The following DPYD variants were observed in gnomAD, a reference collection of about 807,000 sequenced individuals.
DPYD encodes the protein dihydropyrimidine dehydrogenase.
A neutral mutation model predicts 116.2 loss-of-function variants in DPYD; 109 were observed. The ratio of observed to expected loss-of-function variants is 0.94; its 90% CI spans 0.80 to 1.10. The LOEUF (loss-of-function observed/expected upper bound fraction) is 1.10, where lower values mean the gene tolerates loss of function less well. Among genes scored for constraint, DPYD ranks in the 50% least tolerant of loss-of-function variants. DPYD has a pLI of 0.00. For missense variants in DPYD, 1,302 were observed against 1,254.5 expected (o/e 1.04, Z -0.57); for synonymous variants, 440 against 432.0 (o/e 1.02, Z -0.23).
intron 11 of DPYD, among the ~76,000 whole-genome samples, chr1:97,559,247 T>G (rs759112581): frequency 6.6e-6 from 1 of 152,114 alleles, no homozygotes; most frequent in Non-Finnish European, 1.5e-5. Flanking sequence ...GAAAAATGTT[T>G]CATATAAAAT....
intron 8 of DPYD, among the ~76,000 whole-genome samples, chr1:97,667,225 T>G (rs1466240516): frequency 1.3e-5 from 2 of 152,150 alleles, no homozygotes; most frequent in Non-Finnish European, 1.5e-5. Context: ...TTTTGCTATC[T>G]CTTAATAGTC....
At chr1:97,753,658 A>G (rs1454214979) in intron 3 of DPYD, among the ~76,000 whole-genome samples, 4 of 152,174 alleles carry the variant, frequency 2.6e-5, no homozygotes, top group African/African-American at 9.7e-5. Context: ...GAACTCAGCA[A>G]TAATACTTGC....
intron 20 of DPYD, among the ~76,000 whole-genome samples, chr1:97,117,410 T>C (rs1346206166): frequency 6.6e-6 from 1 of 152,200 alleles, no homozygotes; most frequent in Non-Finnish European, 1.5e-5. Flanking sequence ...TTTTTATTGC[T>C]ATATAACTGC....
intron 20 of DPYD, among the ~76,000 whole-genome samples, chr1:97,114,378 G>A (rs1450429345): frequency 6.6e-6 from 1 of 152,050 alleles, no homozygotes; most frequent in African/African-American, 2.4e-5. Flanking sequence ...TTATATATTT[G>A]TATTTGTGTC....
At chr1:97,479,526 G>C (rs147746682) in intron 13 of DPYD, among the ~76,000 whole-genome samples, 1 of 152,104 alleles carries the variant, frequency 6.6e-6, no homozygotes, top group African/African-American at 2.4e-5. Flanking sequence ...AAAGATCATT[G>C]GTGTAACAGA....
In DPYD at chr1:97,200,770, G is replaced by A. The variant is rs925294746; in HGVS notation, c.2443-7522C>T. ...TTCAGACCAGCTTCCTCATTTCAGA[G>A]ATCAGGAGTCCAGACTGGCTAAATG... On this transcript the variant is annotated intron_variant, in intron 19 of 22. Coordinates refer to ENST00000370192, the MANE Select transcript of DPYD (RefSeq NM_000110.4). Among the ~76,000 whole-genome samples the A allele has an allele frequency of 2.0e-5, 3 of 152,282 alleles. No individual in the cohort carries two copies. The East Asian group carries it at 5.8e-4, about 29-fold the overall frequency.
chr1:97,884,903 C>T (rs1488894019), intron 1 of DPYD, among the ~76,000 whole-genome samples: 1 of 151,992 alleles, frequency 6.6e-6, no homozygotes, highest in Non-Finnish European at 1.5e-5. Context: ...ACTCTTATAA[C>T]TTTGAGTAAA....
chr1:97,749,214 GTCTA>G (rs1664733789), intron 3 of DPYD, among the ~76,000 whole-genome samples: 1 of 152,152 alleles, frequency 6.6e-6, no homozygotes, highest in South Asian at 2.1e-4. Flanking sequence ...TACAAATATG[GTCTA>G]TCTTTCTGTA....
At chr1:97,533,987 A>G (rs1170589571) in intron 12 of DPYD, among the ~76,000 whole-genome samples, 4 of 152,172 alleles carry the variant, frequency 2.6e-5, no homozygotes, top group South Asian at 2.1e-4. Context: ...TTAGTAGTCT[A>G]AGGTAGTATC....
chr1:97,640,294 T>C (rs906581832), intron 8 of DPYD, among the ~76,000 whole-genome samples: 1 of 151,952 alleles, frequency 6.6e-6, no homozygotes, highest in African/African-American at 2.4e-5. Context: ...TACTTACAAA[T>C]TTCTTTTATT....
chr1:97,363,426 A>G (rs1342263114), intron 16 of DPYD, among the ~76,000 whole-genome samples: 1 of 152,184 alleles, frequency 6.6e-6, no homozygotes, highest in African/African-American at 2.4e-5. Flanking sequence ...TAGAAATATC[A>G]TTTGACCCAG....
chr1:97,202,546 A>C (rs1162605133), intron 19 of DPYD, among the ~76,000 whole-genome samples: 1 of 152,194 alleles, frequency 6.6e-6, no homozygotes, highest in Non-Finnish European at 1.5e-5. Flanking sequence ...CCAGAATATA[A>C]TCATCAATTC....
At chr1:97,352,953 A>G (rs1020084209) in intron 16 of DPYD, among the ~76,000 whole-genome samples, 3 of 152,182 alleles carry the variant, frequency 2.0e-5, no homozygotes, top group African/African-American at 7.2e-5. Context: ...CTCAGAACAC[A>G]CAAGATCAAG....
intron 3 of DPYD, among the ~76,000 whole-genome samples, chr1:97,816,245 T>C (rs1294480166): frequency 6.7e-6 from 1 of 149,936 alleles, no homozygotes; most frequent in Non-Finnish European, 1.5e-5. Flanking sequence ...AAATGGAGCT[T>C]AGAATATCCT....
At chr1:97,538,149 C>T (rs149045074) in intron 12 of DPYD, among the ~76,000 whole-genome samples, 1,971 of 152,076 alleles carry the variant, frequency 0.013, 29 homozygotes, top group Middle Eastern at 0.028. Flanking sequence ...CCCCAAATCA[C>T]GGCATAAACC....
intron 8 of DPYD, among the ~76,000 whole-genome samples, chr1:97,613,546 G>C (rs1656078843): frequency 6.6e-6 from 1 of 151,954 alleles, no homozygotes; most frequent in Non-Finnish European, 1.5e-5. Context: ...GTGTGCTGGT[G>C]AGACTTTCCG....
At chr1:97,384,200 A>C (rs1672162475) in intron 14 of DPYD, among the ~76,000 whole-genome samples, 1 of 151,918 alleles carries the variant, frequency 6.6e-6, no homozygotes, top group Non-Finnish European at 1.5e-5. Flanking sequence ...GAGTCCTCTA[A>C]AAGCCACTGT....
intron 14 of DPYD, among the ~76,000 whole-genome samples, chr1:97,398,021 G>A (rs1442286344): frequency 6.6e-6 from 1 of 151,748 alleles, no homozygotes; most frequent in Non-Finnish European, 1.5e-5. Flanking sequence ...ATGTATACAT[G>A]TGTCCATGTT....
chr1:97,698,442 CA>C (rs35544114), intron 6 of DPYD, among the ~76,000 whole-genome samples: 68 of 151,526 alleles, frequency 4.5e-4, no homozygotes, highest in African/African-American at 1.5e-3. Flanking sequence ...TCACTGGTGC[CA>C]AAAAACATAA....
Sources: gnomAD v4.1 joint callset for allele counts (sites outside exome capture counted in the v4.1 genomes callset) on GRCh38, gnomAD v4.1.1 for gene constraint, MANE v1.5 for transcripts, NCBI Gene and HGNC (gene_info 2026-07-23, HGNC 2026-07-21) for gene names.